The following NUP37 variants were observed in gnomAD, a reference collection of about 807,000 sequenced individuals.
NUP37 encodes nucleoporin Nup37.
Under a neutral mutation model 45.4 loss-of-function variants are expected in NUP37, and 33 were observed. The observed-to-expected ratio is 0.73, with a 90% CI of 0.55 to 0.97. The LOEUF (loss-of-function observed/expected upper bound fraction) is 0.97. NUP37 is among the 50% of genes least tolerant of loss of function. The pLI, the probability that NUP37 is intolerant of heterozygous loss-of-function variation, is 0.00. For synonymous variants in NUP37, 127 were observed against 130.7 expected, an observed-to-expected ratio of 0.97 and a Z score of 0.19; for missense variants, 365 against 389.7, an observed-to-expected ratio of 0.94 and a Z score of 0.53.
intron 2 of NUP37, among the ~76,000 whole-genome samples, chr12:102,115,067 T>G (rs556412431): frequency 6.6e-6 from 1 of 152,296 alleles, no homozygotes; most frequent in East Asian, 1.9e-4. Context: ...TCCATTCAAA[T>G]AGAGATGACA....
chr12:102,086,831 C>T (rs1367804929), intron 5 of NUP37, among the ~76,000 whole-genome samples: 1 of 152,212 alleles, frequency 6.6e-6, no homozygotes, highest in Non-Finnish European at 1.5e-5. Flanking sequence ...TGCCTGTAAT[C>T]CCAGCACTTT....
chr12:102,089,254 G>C (rs948726516), intron 5 of NUP37, among the ~76,000 whole-genome samples: 1 of 152,156 alleles, frequency 6.6e-6, no homozygotes, highest in East Asian at 1.9e-4. Flanking sequence ...CTGCAGAAAG[G>C]CTGTCACTTC....
At position 102,099,188 on chromosome 12, in the gene NUP37, G is replaced by A. The variant is rs1252047628; in HGVS notation, c.367C>T (p.His123Tyr). 2 of 1,611,558 alleles carry A rather than the reference G, an allele frequency of 1.2e-6. No individual in the cohort carries two copies. The highest frequency in any genetic ancestry group is 2.7e-5 in the African/African-American group (2 of 74,836). The change falls in exon 5 of 10, where the codon CAT becomes TAT. Residue 123 changes from histidine to tyrosine, a missense_variant. By Grantham distance (83) the His-to-Tyr change is moderately conservative. Coordinates refer to ENST00000552283, the MANE Select transcript of NUP37 (RefSeq NM_024057.4). ...ACCAAACCATTAATGAAATCGGTAT[G>A]GCCCTCTAAAACCTGACAGAAAGAG... ...DKNEYKVLEG[H>Y]TDFINGLVFD...
intron 3 of NUP37, among the ~76,000 whole-genome samples, chr12:102,104,000 C>A (rs1235151430): frequency 6.6e-6 from 1 of 152,142 alleles, no homozygotes; most frequent in Non-Finnish European, 1.5e-5. Context: ...AATAATACTG[C>A]AAGTTAGGTA....
intron 6 of NUP37, among the ~76,000 whole-genome samples, chr12:102,078,075 C>T (rs1259408396): frequency 6.6e-6 from 1 of 151,980 alleles, no homozygotes; most frequent in Non-Finnish European, 1.5e-5. Context: ...CGCTTGTAAT[C>T]CCAGCACTTT....
chr12:102,090,084 A>G (rs1044322635), intron 5 of NUP37, among the ~76,000 whole-genome samples: 8 of 152,190 alleles, frequency 5.3e-5, no homozygotes, highest in Non-Finnish European at 7.4e-5. Context: ...GCTGCACCTC[A>G]TATTTCCTTT....
rs564331901 is a variant in NUP37 at position 102,100,903 on chromosome 12, G to A, written c.354+129C>T. The A allele has an allele frequency of 2.2e-4, 124 of 552,302 alleles. No homozygotes were observed. In the East Asian group the frequency reaches 3.9e-3, roughly 17 times the overall value. The allele number at this position is 552,302 out of a possible 1,614,324, so 34.2% of individuals were successfully genotyped here. A position where few individuals can be genotyped will look rare whatever the true frequency, so the allele number is the denominator to read the frequency against. On this transcript the variant is annotated intron_variant, in intron 4 of 9. Coordinates refer to ENST00000552283, the MANE Select transcript of NUP37 (RefSeq NM_024057.4). ...TTATAACCTATAGTAGAGTAAATGAGACTCTAAATTATATACTTTAATGAT... is the reference window on the plus strand; with the variant it reads ...TTATAACCTATAGTAGAGTAAATGAAACTCTAAATTATATACTTTAATGAT...
intron 3 of NUP37, among the ~76,000 whole-genome samples, chr12:102,109,934 T>C (rs1880262912): frequency 6.6e-6 from 1 of 152,218 alleles, no homozygotes; most frequent in South Asian, 2.1e-4. Flanking sequence ...GGTCTAGATA[T>C]TGTGACCACT....
At chr12:102,105,356 C>A (rs1023767469) in intron 3 of NUP37, among the ~76,000 whole-genome samples, 1 of 150,882 alleles carries the variant, frequency 6.6e-6, no homozygotes, top group Non-Finnish European at 1.5e-5. Flanking sequence ...AAAACCCCAT[C>A]TCTACAAAAA....
At chr12:102,075,712 CAAAT>C (rs963647831) in intron 8 of NUP37, among the ~76,000 whole-genome samples, 116 of 152,006 alleles carry the variant, frequency 7.6e-4, no homozygotes, top group African/African-American at 2.6e-3. Flanking sequence ...GTAGAAGAAA[CAAAT>C]AAGGCATCAA....
intron 5 of NUP37, among the ~76,000 whole-genome samples, chr12:102,095,012 G>C (rs1166204180): frequency 6.6e-6 from 1 of 152,018 alleles, no homozygotes; most frequent in Non-Finnish European, 1.5e-5. Context: ...GTGCGTACTA[G>C]GTCTTGTATT....
chr12:102,078,395 G>C (rs985390164), intron 6 of NUP37, among the ~76,000 whole-genome samples: 6 of 152,060 alleles, frequency 3.9e-5, no homozygotes, highest in African/African-American at 1.4e-4. Context: ...CTAAGAAGAA[G>C]AGATCAATTT....
intron 2 of NUP37, among the ~76,000 whole-genome samples, chr12:102,113,766 G>T (rs1195944690): frequency 6.6e-6 from 1 of 152,158 alleles, no homozygotes; most frequent in Non-Finnish European, 1.5e-5. Context: ...TGTCTATATT[G>T]ATAGGAATTA....
intron 6 of NUP37, among the ~76,000 whole-genome samples, chr12:102,080,354 A>G (rs1879297400): frequency 6.6e-6 from 1 of 152,210 alleles, no homozygotes; most frequent in Non-Finnish European, 1.5e-5. Context: ...CCTGGGAAAT[A>G]GAAACTGCAG....
chr12:102,110,494 T>C (rs1880282710), intron 3 of NUP37, among the ~76,000 whole-genome samples: 1 of 146,606 alleles, frequency 6.8e-6, no homozygotes, highest in Non-Finnish European at 1.5e-5. Flanking sequence ...GGAGATAGAG[T>C]GAGACCATGT....
intron 3 of NUP37, among the ~76,000 whole-genome samples, chr12:102,108,689 A>G (rs1347484347): frequency 2.0e-5 from 3 of 152,210 alleles, no homozygotes; most frequent in Admixed American, 6.5e-5. Flanking sequence ...AGCTTATTCT[A>G]CCTAATTCTT....
chr12:102,088,126 T>C (rs1879524583), intron 5 of NUP37, among the ~76,000 whole-genome samples: 1 of 152,216 alleles, frequency 6.6e-6, no homozygotes, highest in Non-Finnish European at 1.5e-5. Context: ...GTAGTAAGTA[T>C]GTAAAATACA....
At chr12:102,076,946 C>CTAT in intron 7 of NUP37, 99 bp from the exon 8 acceptor site, 2 of 811,918 alleles carry the variant, frequency 2.5e-6, no homozygotes, top group Non-Finnish European at 4.1e-6. Context: ...ACAGAATGTC[C>CTAT]AATGTGTTTA....
chr12:102,111,391 G>C (rs1880313951), intron 3 of NUP37, among the ~76,000 whole-genome samples: 1 of 152,126 alleles, frequency 6.6e-6, no homozygotes, highest in Non-Finnish European at 1.5e-5. Flanking sequence ...TGTCAAAACT[G>C]ATCAAACTAT....
Sources: allele counts gnomAD v4.1 joint callset (sites outside exome capture counted in the v4.1 genomes callset), GRCh38; gene constraint gnomAD v4.1.1; transcripts MANE v1.5; gene names NCBI Gene and HGNC (gene_info 2026-07-23, HGNC 2026-07-21).